Variants in CCDC91 observed in about 807,000 individuals in gnomAD.
CCDC91 encodes the protein coiled-coil domain containing 91.
A neutral mutation model predicts 63.2 loss-of-function variants in CCDC91; 48 were observed. The ratio of observed to expected loss-of-function variants is 0.76; its 90% confidence interval spans 0.60 to 0.97. The LOEUF is 0.97. Among genes scored for constraint, CCDC91 ranks in the 50% least tolerant of loss-of-function variants. The pLI is 0.00. For missense variants in CCDC91, 500 were observed against 494.6 expected, an observed-to-expected ratio of 1.01 and a Z score of -0.10; for synonymous variants, 167 against 165.8, an observed-to-expected ratio of 1.01 and a Z score of -0.06.
rs1946722536 is a variant in CCDC91 at position 28,259,968 on chromosome 12, G to C, written c.109+526G>C. ...GTCAAAAGAATATTTTGAGCTTTCA[G>C]AGTTTTCTGTTAAATCTGTTAAAGT... On this transcript the variant is annotated intron_variant, in intron 3 of 12. Coordinates refer to ENST00000536442, the MANE Select transcript of CCDC91 (RefSeq NM_018318.5). Among the ~76,000 whole-genome samples the C allele has an allele frequency of 2.0e-5, 3 of 151,942 alleles. No individual in the cohort carries two copies. In the South Asian group the frequency reaches 6.2e-4, roughly 31 times the overall value.
intron 6 of CCDC91, among the ~76,000 whole-genome samples, chr12:28,348,312 A>G (rs1339597033): frequency 6.6e-6 from 1 of 152,138 alleles, no homozygotes; most frequent in African/African-American, 2.4e-5. Context: ...GACAAATAGA[A>G]CAGTTCCTAC....
At chr12:28,285,813 G>A (rs1246637722) in intron 3 of CCDC91, among the ~76,000 whole-genome samples, 1 of 151,566 alleles carries the variant, frequency 6.6e-6, no homozygotes, top group Admixed American at 6.6e-5. Flanking sequence ...GGAATAGCTA[G>A]CTCTCCTTTA....
In CCDC91 at chr12:28,402,016, C is replaced by A. The variant is rs77274173; in HGVS notation, c.762+10605C>A. ...CCCCATACCTTTGGAGAAAGTCTTA[C>A]AACTATATGAAATGCAGATTTCTGG... On this transcript the variant is annotated intron_variant, in intron 8 of 12. Coordinates refer to ENST00000536442, the MANE Select transcript of CCDC91 (RefSeq NM_018318.5). Among the ~76,000 whole-genome samples the A allele has an allele frequency of 3.7e-3, 558 of 152,138 alleles. 7 individuals are homozygous for A. Among genetic ancestry groups the A allele is most frequent in the African/African-American group, 0.013 (540 of 41,508 alleles).
In CCDC91 at chr12:28,334,040, A is replaced by ATG. The variant is rs148910206; in HGVS notation, c.576+26311_576+26312dup. ...ATTGAAACGACTTCTGGCAGAATTT[A>ATG]TGTGTGTGTGTGTGTGTGTGTATGT... On this transcript the variant is annotated intron_variant, in intron 6 of 12. Transcript: ENST00000536442. Among the ~76,000 whole-genome samples the ATG allele has an allele frequency of 0.011, 1,587 of 148,500 alleles. 15 individuals are homozygous for ATG. The Middle Eastern group carries it at 0.11, about 10-fold the overall frequency.
intron 8 of CCDC91, among the ~76,000 whole-genome samples, chr12:28,411,322 T>A (rs1263285623): frequency 6.6e-6 from 1 of 152,228 alleles, no homozygotes; most frequent in Non-Finnish European, 1.5e-5. Flanking sequence ...TGATTTCCTT[T>A]GAAATATGGA....
intron 11 of CCDC91, among the ~76,000 whole-genome samples, chr12:28,480,497 A>C (rs1441402708): frequency 1.3e-5 from 2 of 152,002 alleles, no homozygotes; most frequent in Non-Finnish European, 2.9e-5. Flanking sequence ...TATTTTTTAC[A>C]CAAAGTAGGT....
At chr12:28,371,717 G>A (rs767579509) in intron 7 of CCDC91, among the ~76,000 whole-genome samples, 5 of 152,130 alleles carry the variant, frequency 3.3e-5, no homozygotes, top group African/African-American at 1.2e-4. Context: ...GTATTCATTA[G>A]GTGAGAAATC....
At chr12:28,268,714 C>T (rs1468756978) in intron 3 of CCDC91, 1 of 964,670 alleles carries the variant, frequency 1.0e-6, no homozygotes, top group Non-Finnish European at 1.2e-6. Flanking sequence ...ATCCTGTTTA[C>T]TCAGTAGGGA....
At chr12:28,292,883 A>G (rs1464498490) in intron 3 of CCDC91, among the ~76,000 whole-genome samples, 3 of 152,170 alleles carry the variant, frequency 2.0e-5, no homozygotes, top group African/African-American at 2.4e-5. Flanking sequence ...GTTTATGTAC[A>G]ATAATACTTA....
At chr12:28,351,663 C>A (rs1943188641) in intron 6 of CCDC91, among the ~76,000 whole-genome samples, 1 of 151,630 alleles carries the variant, frequency 6.6e-6, no homozygotes. Context: ...GATCTAACCT[C>A]AGGTCATTCC....
chr12:28,442,775 A>G (rs1949294990), intron 8 of CCDC91, among the ~76,000 whole-genome samples: 1 of 152,102 alleles, frequency 6.6e-6, no homozygotes. Flanking sequence ...ACCGTTTTTG[A>G]AATAATTGAT....
At chr12:28,398,264 A>G (rs965624668) in intron 8 of CCDC91, among the ~76,000 whole-genome samples, 12 of 152,140 alleles carry the variant, frequency 7.9e-5, no homozygotes, top group African/African-American at 2.7e-4. Flanking sequence ...GTTATTTCAT[A>G]TAGAATGAAT....
intron 3 of CCDC91, among the ~76,000 whole-genome samples, chr12:28,293,848 C>G (rs1366916848): frequency 6.6e-6 from 1 of 152,072 alleles, no homozygotes; most frequent in Non-Finnish European, 1.5e-5. Flanking sequence ...TCCACCTCAG[C>G]CTTCCCAGTA....
intron 7 of CCDC91, among the ~76,000 whole-genome samples, chr12:28,374,389 G>A (rs1472931557): frequency 6.6e-6 from 1 of 152,012 alleles, no homozygotes; most frequent in Non-Finnish European, 1.5e-5. Context: ...TTTTTAAAAT[G>A]TAGGACTGTT....
intron 3 of CCDC91, among the ~76,000 whole-genome samples, chr12:28,303,500 T>C (rs1277379959): frequency 6.6e-6 from 1 of 152,144 alleles, no homozygotes; most frequent in Non-Finnish European, 1.5e-5. Flanking sequence ...TGGGACAGCA[T>C]GACATCTTAT....
intron 3 of CCDC91, among the ~76,000 whole-genome samples, chr12:28,285,143 T>C (rs1948836405): frequency 6.6e-6 from 1 of 152,144 alleles, no homozygotes; most frequent in African/African-American, 2.4e-5. Flanking sequence ...ATGGAGAGGA[T>C]TGAAATGGTT....
chr12:28,335,410 T>A (rs1347535495), intron 6 of CCDC91, among the ~76,000 whole-genome samples: 1 of 141,806 alleles, frequency 7.1e-6, no homozygotes, highest in African/African-American at 2.6e-5. Context: ...TATATAAATA[T>A]ATAAAAATAC....
chr12:28,422,789 AATC>A (rs1948087944), intron 8 of CCDC91, among the ~76,000 whole-genome samples: 1 of 152,134 alleles, frequency 6.6e-6, no homozygotes, highest in East Asian at 1.9e-4. Flanking sequence ...AGAGTAGGAA[AATC>A]ATCATCCTCA....
chr12:28,204,091 A>G (rs1392172327), intron 1 of CCDC91, among the ~76,000 whole-genome samples: 1 of 152,122 alleles, frequency 6.6e-6, no homozygotes, highest in Non-Finnish European at 1.5e-5. Flanking sequence ...CCCTTTTTAA[A>G]GCATTTAACT....
Sources: gnomAD v4.1 joint callset for allele counts (sites outside exome capture counted in the v4.1 genomes callset) on GRCh38, gnomAD v4.1.1 for gene constraint, MANE v1.5 for transcripts, NCBI Gene and HGNC (gene_info 2026-07-23, HGNC 2026-07-21) for gene names.